The following ZPLD1 variants were observed in gnomAD, a reference collection of about 807,000 sequenced individuals.
The protein encoded by ZPLD1 is zona pellucida like domain containing 1, also known as zona pellucida-like domain-containing protein 1.
ZPLD1 carries 34 observed loss-of-function variants against 47.2 expected under a neutral mutation model. That is an observed-to-expected ratio of 0.72 (90% confidence interval 0.55 to 0.96). The LOEUF is 0.96. Ranked by LOEUF, ZPLD1 falls within the 40% of genes least tolerant of loss-of-function variation. The pLI, the probability that ZPLD1 is intolerant of heterozygous loss-of-function variation, is 0.00. For synonymous variants in ZPLD1, 176 were observed against 186.2 expected (o/e 0.95, Z 0.45); for missense variants, 512 against 505.8 (o/e 1.01, Z -0.12).
At chr3:102,406,275 G>T (rs535839365) in intron 7 of ZPLD1, among the ~76,000 whole-genome samples, 37 of 151,968 alleles carry the variant, frequency 2.4e-4, no homozygotes, top group African/African-American at 8.4e-4. Flanking sequence ...TGCTGAGAAG[G>T]CTAGGTTTCT....
chr3:102,443,108 C>T (rs1707206423), intron 3 of ZPLD1, among the ~76,000 whole-genome samples: 1 of 152,120 alleles, frequency 6.6e-6, no homozygotes, highest in African/African-American at 2.4e-5. Flanking sequence ...ACTTTCTGGC[C>T]TCTAAAGAAA....
chr3:102,413,295 G>A (rs1706766308), intron 7 of ZPLD1, among the ~76,000 whole-genome samples: 1 of 151,724 alleles, frequency 6.6e-6, no homozygotes, highest in Non-Finnish European at 1.5e-5. Context: ...TCACAGTGCA[G>A]GCAATGATCT....
intron 7 of ZPLD1, among the ~76,000 whole-genome samples, chr3:102,410,189 T>C (rs1706734300): frequency 6.6e-6 from 1 of 151,802 alleles, no homozygotes; most frequent in African/African-American, 2.4e-5. Context: ...CATGAATATG[T>C]GGAACTATTG....
intron 10 of ZPLD1, among the ~76,000 whole-genome samples, chr3:102,474,226 G>A (rs1333939305): frequency 6.6e-6 from 1 of 152,120 alleles, no homozygotes; most frequent in African/African-American, 2.4e-5. Flanking sequence ...GCTTGGATAG[G>A]GAAATGCTAA....
At chr3:102,406,879 A>T (rs775556214) in intron 7 of ZPLD1, among the ~76,000 whole-genome samples, 54 of 151,906 alleles carry the variant, frequency 3.6e-4, no homozygotes, top group Non-Finnish European at 5.3e-4. Flanking sequence ...TCTTTTATTT[A>T]TACAATGAGG....
chr3:102,479,491 C>A lies in ZPLD1; in HGVS notation c.*1873C>A, dbSNP rs1229707828. The A allele has an allele frequency of 6.6e-6, 1 of 152,098 alleles. No individual in the cohort carries two copies. The highest frequency in any genetic ancestry group is 1.5e-5 in the Non-Finnish European group (1 of 68,004). The allele number at this position is 152,098 out of a possible 1,614,324, so 9.4% of individuals were successfully genotyped here. ...AACGGCTGCTGTTTCAGCTGTTGGCCTTTTCAATTCTATACTCCATTTTAT... is the reference window on the plus strand; with the variant it reads ...AACGGCTGCTGTTTCAGCTGTTGGCATTTTCAATTCTATACTCCATTTTAT... On this transcript the variant is annotated 3_prime_UTR_variant, in exon 12 of 12. Coordinates refer to ENST00000466937, the MANE Select transcript of ZPLD1 (RefSeq NM_001329788.2).
At chr3:102,439,807 T>C (rs934126106) in intron 3 of ZPLD1, among the ~76,000 whole-genome samples, 1 of 152,222 alleles carries the variant, frequency 6.6e-6, no homozygotes, top group Admixed American at 6.5e-5. Flanking sequence ...ATACGTCTAA[T>C]AAGCCCAACA....
At chr3:102,397,145 T>C (rs1205952584) in intron 7 of ZPLD1, among the ~76,000 whole-genome samples, 1 of 152,136 alleles carries the variant, frequency 6.6e-6, no homozygotes, top group Non-Finnish European at 1.5e-5. Flanking sequence ...TTTCATATCC[T>C]TCAATTTGAT....
chr3:102,431,501 T>A (rs1707015483), upstream of ZPLD1, among the ~76,000 whole-genome samples: 1 of 152,206 alleles, frequency 6.6e-6, no homozygotes, highest in Non-Finnish European at 1.5e-5. Context: ...ATATATATGT[T>A]GACTCTAATG....
chr3:102,394,393 G>A (rs562139312), intron 7 of ZPLD1, among the ~76,000 whole-genome samples: 2 of 152,260 alleles, frequency 1.3e-5, no homozygotes, highest in African/African-American at 4.8e-5. Context: ...TAAGTGTTAT[G>A]CCTTAAAATG....
At chr3:102,406,522 G>A (rs1234612142) in intron 7 of ZPLD1, among the ~76,000 whole-genome samples, 3 of 151,864 alleles carry the variant, frequency 2.0e-5, no homozygotes, top group African/African-American at 2.4e-5. Flanking sequence ...TCAGTACCAA[G>A]ACATTTATAT....
At chr3:102,389,981 T>G (rs1706476999) in intron 6 of ZPLD1, among the ~76,000 whole-genome samples, 1 of 152,158 alleles carries the variant, frequency 6.6e-6, no homozygotes, top group African/African-American at 2.4e-5. Flanking sequence ...TATAAGTGTA[T>G]TTTTGGACTG....
chr3:102,386,701 A>G (rs952396749), intron 6 of ZPLD1, among the ~76,000 whole-genome samples: 1 of 152,142 alleles, frequency 6.6e-6, no homozygotes, highest in Non-Finnish European at 1.5e-5. Context: ...TGAAATCATA[A>G]TATTTAGGAG....
At chr3:102,457,967 T>C in intron 6 of ZPLD1, 114 bp downstream of exon 6, 1 of 920,048 alleles carries the variant, frequency 1.1e-6, no homozygotes, top group Non-Finnish European at 1.7e-6. Context: ...TGTTATGCCT[T>C]GGTAACATTT....
chr3:102,414,467 A>G (rs1354923980), intron 7 of ZPLD1, among the ~76,000 whole-genome samples: 1 of 151,798 alleles, frequency 6.6e-6, no homozygotes, highest in Non-Finnish European at 1.5e-5. Flanking sequence ...AGCCATCAGC[A>G]CTCCAATTTA....
chr3:102,456,993 T>C (rs1351866263), intron 5 of ZPLD1, among the ~76,000 whole-genome samples: 1 of 152,244 alleles, frequency 6.6e-6, no homozygotes, highest in Non-Finnish European at 1.5e-5. Context: ...CCAAAGCACG[T>C]ACTCCAGGAG....
Position 102,474,783 on chromosome 3 carries a change from A to G in ZPLD1, c.1043-2229A>G, listed in dbSNP as rs190465423. On this transcript the variant is annotated intron_variant, in intron 10 of 11. Transcript: ENST00000466937. ...TATCACCTTTCTCCTATAGGCTTTCAAATAGATAAATATACTCTTGGAGAG... is the reference window on the plus strand; with the variant it reads ...TATCACCTTTCTCCTATAGGCTTTCGAATAGATAAATATACTCTTGGAGAG... 1.6e-4 allele frequency among the ~76,000 whole-genome samples: 25 copies of G among 152,310 alleles called. No homozygotes were observed. In the East Asian group the frequency reaches 4.2e-3, roughly 26 times the overall value.
At chr3:102,470,714 T>TCACA (rs1301342867) in intron 10 of ZPLD1, among the ~76,000 whole-genome samples, 3 of 144,246 alleles carry the variant, frequency 2.1e-5, no homozygotes, top group Admixed American at 2.0e-4. Flanking sequence ...TTTCCTGTTT[T>TCACA]CACACACACA....
chr3:102,452,237 A>G (rs1209633479), intron 3 of ZPLD1, among the ~76,000 whole-genome samples: 1 of 143,328 alleles, frequency 7.0e-6, no homozygotes, highest in Non-Finnish European at 1.5e-5. Flanking sequence ...TGTGTTTTAC[A>G]TTTCCATGTT....
Sources: gnomAD v4.1 joint callset for allele counts (sites outside exome capture counted in the v4.1 genomes callset) on GRCh38, gnomAD v4.1.1 for gene constraint, MANE v1.5 for transcripts, NCBI Gene and HGNC (gene_info 2026-07-23, HGNC 2026-07-21) for gene names.